The following AGMO variants were observed in gnomAD, a reference collection of about 807,000 sequenced individuals.
AGMO encodes the protein alkylglycerol monooxygenase.
In AGMO, 75 loss-of-function variants were observed where a neutral mutation model predicts 60.2. The ratio of observed to expected loss-of-function variants is 1.25; its 90% CI spans 1.03 to 1.51. AGMO has a LOEUF of 1.51. AGMO is among the 40% of genes most tolerant of loss of function. The pLI, the probability that AGMO is intolerant of heterozygous loss-of-function variation, is 0.00. For synonymous variants in AGMO, 261 were observed against 177.1 expected, an observed-to-expected ratio of 1.47 and a Z score of -3.76; for missense variants, 763 against 525.5, an observed-to-expected ratio of 1.45 and a Z score of -4.42.
intron 3 of AGMO, among the ~76,000 whole-genome samples, chr7:15,505,255 T>C (rs958494175): frequency 6.6e-6 from 1 of 151,990 alleles, no homozygotes; most frequent in African/African-American, 2.4e-5. Flanking sequence ...AAATTAAGGC[T>C]ATTTACTTTA....
chr7:15,228,462 G>A (rs1782154673), intron 12 of AGMO, among the ~76,000 whole-genome samples: 1 of 152,102 alleles, frequency 6.6e-6, no homozygotes. Context: ...AGTAAGGGAA[G>A]GTTGAACAAA....
chr7:15,290,918 T>A (rs1007097520), intron 12 of AGMO, among the ~76,000 whole-genome samples: 3 of 152,134 alleles, frequency 2.0e-5, no homozygotes. Flanking sequence ...GGGGTTCTTA[T>A]TAAGAAAAGA....
intron 10 of AGMO, among the ~76,000 whole-genome samples, chr7:15,379,739 T>C (rs966310741): frequency 1.3e-5 from 2 of 151,850 alleles, no homozygotes; most frequent in African/African-American, 2.4e-5. Flanking sequence ...TATCCTTGAC[T>C]GACAGTAATG....
chr7:15,414,069 G>A (rs1180100589), intron 5 of AGMO, among the ~76,000 whole-genome samples: 2 of 152,020 alleles, frequency 1.3e-5, no homozygotes, highest in Non-Finnish European at 2.9e-5. Flanking sequence ...GTGCAGTGGT[G>A]TGATCTCGGT....
intron 12 of AGMO, among the ~76,000 whole-genome samples, chr7:15,340,879 A>G (rs572845895): frequency 1.2e-4 from 19 of 152,106 alleles, no homozygotes; most frequent in African/African-American, 4.6e-4. Flanking sequence ...GAAGAGGGCC[A>G]CCGTTCTCGA....
chr7:15,152,671 AT>A, the AGMO span, among the ~76,000 whole-genome samples: 3 of 152,120 alleles, frequency 2.0e-5, no homozygotes, highest in Non-Finnish European at 4.4e-5. Context: ...GAATGCCATT[AT>A]TTCATTCCTA....
the AGMO span, among the ~76,000 whole-genome samples, chr7:15,175,774 T>G: frequency 6.6e-6 from 1 of 151,958 alleles, no homozygotes; most frequent in Non-Finnish European, 1.5e-5. Flanking sequence ...GCATAGTATA[T>G]AGATTAAATA....
intron 12 of AGMO, among the ~76,000 whole-genome samples, chr7:15,238,239 G>A (rs770797786): frequency 1.3e-5 from 2 of 151,794 alleles, no homozygotes; most frequent in African/African-American, 4.8e-5. Flanking sequence ...ATACACACAC[G>A]TGTGTGTATT....
intron 2 of AGMO, among the ~76,000 whole-genome samples, chr7:15,559,501 G>A (rs1453864772): frequency 6.6e-6 from 1 of 152,024 alleles, no homozygotes; most frequent in Non-Finnish European, 1.5e-5. Context: ...TCCAGGCAGA[G>A]GGAAGTGCCT....
chr7:15,480,498 T>C (rs1782720846), intron 3 of AGMO, among the ~76,000 whole-genome samples: 1 of 152,130 alleles, frequency 6.6e-6, no homozygotes, highest in Non-Finnish European at 1.5e-5. Flanking sequence ...TCTAGCACTT[T>C]CTACAATTAA....
intron 3 of AGMO, among the ~76,000 whole-genome samples, chr7:15,480,461 A>G (rs1158217182): frequency 6.6e-6 from 1 of 152,190 alleles, no homozygotes; most frequent in African/African-American, 2.4e-5. Flanking sequence ...ATAAAGACAG[A>G]CTTGGACAAC....
intron 5 of AGMO, among the ~76,000 whole-genome samples, chr7:15,408,329 T>C (rs1397497030): frequency 1.3e-5 from 2 of 151,798 alleles, no homozygotes; most frequent in Non-Finnish European, 1.5e-5. Context: ...CTAATATTAT[T>C]TGGGTTCTAA....
chr7:15,222,983 G>A (rs1003251985), intron 12 of AGMO, among the ~76,000 whole-genome samples: 1 of 151,870 alleles, frequency 6.6e-6, no homozygotes, highest in Admixed American at 6.6e-5. Context: ...ACTGATTTGT[G>A]AATACAGATG....
At chr7:15,248,224 A>ATATATATATATATATATATATATC (rs1486326352) in intron 12 of AGMO, among the ~76,000 whole-genome samples, 1 of 98,748 alleles carries the variant, frequency 1.0e-5, no homozygotes, top group African/African-American at 4.1e-5. Context: ...ATATATATAT[A>ATATATATATATATATATATATATC]TCTTCATCTT....
intron 12 of AGMO, among the ~76,000 whole-genome samples, chr7:15,319,175 C>A (rs1781030828): frequency 6.6e-6 from 1 of 151,952 alleles, no homozygotes. Flanking sequence ...GCAATCTTGG[C>A]AACCAATCCC....
At chr7:15,316,957 T>C (rs1750173905) in intron 12 of AGMO, among the ~76,000 whole-genome samples, 1 of 152,182 alleles carries the variant, frequency 6.6e-6, no homozygotes, top group African/African-American at 2.4e-5. Context: ...TATTCAGCTT[T>C]TTGCTCTCTG....
intron 10 of AGMO, among the ~76,000 whole-genome samples, chr7:15,372,095 GT>G (rs1226200173): frequency 1.3e-5 from 2 of 152,064 alleles, no homozygotes. Flanking sequence ...TGGAACTTAA[GT>G]TTTTCTATAT....
chr7:15,424,000 TA>T (rs1780993846), intron 4 of AGMO, among the ~76,000 whole-genome samples: 1 of 152,212 alleles, frequency 6.6e-6, no homozygotes, highest in East Asian at 1.9e-4. Flanking sequence ...TCCTAAAATG[TA>T]TTATATTTTT....
chr7:15,390,559 T>A, intron 8 of AGMO, 112 bp downstream of exon 8: 1 of 717,212 alleles, frequency 1.4e-6, no homozygotes, highest in Non-Finnish European at 2.2e-6. Flanking sequence ...CAGTTAAAAA[T>A]TTTTTCAGGT....
Sources: allele counts gnomAD v4.1 joint callset (sites outside exome capture counted in the v4.1 genomes callset), GRCh38; gene constraint gnomAD v4.1.1; transcripts MANE v1.5; gene names NCBI Gene and HGNC (gene_info 2026-07-23, HGNC 2026-07-21).